The following CELSR2 variants were observed in gnomAD, a reference collection of about 807,000 sequenced individuals.
CELSR2 encodes the protein cadherin EGF LAG seven-pass G-type receptor 2.
A neutral mutation model predicts 251.6 loss-of-function variants in CELSR2; 81 were observed. The ratio of observed to expected loss-of-function variants is 0.32; its 90% CI spans 0.27 to 0.39. The LOEUF is 0.39. CELSR2 is among the 10% of genes least tolerant of loss of function. The pLI, the probability that CELSR2 is intolerant of heterozygous loss-of-function variation, is 1.00. For missense variants in CELSR2, 3,365 were observed against 3,947.7 expected, an observed-to-expected ratio of 0.85 and a Z score of 3.96; for synonymous variants, 1,721 against 1,670.5, an observed-to-expected ratio of 1.03 and a Z score of -0.74.
chr1:109,261,175 C>T lies in CELSR2; in HGVS notation c.4092C>T (p.Tyr1364=). The T allele has an allele frequency of 2.5e-6, 4 of 1,614,192 alleles. No homozygotes were observed. Among genetic ancestry groups the T allele is most frequent in the Non-Finnish European group, 3.4e-6 (4 of 1,180,040 alleles). The stretch of plus-strand genomic sequence containing the variant: ...CATCTGGAGACTTCGAGAAGCCCTA[C>T]TGCCAGGTGACCACGCGCAGCTTCC... ...DCPSGDFEKP[Y]CQVTTRSFPA... is the part of the protein sequence containing the mutation. The change falls in exon 3 of 34, where the codon TAC becomes TAT. Residue 1364 remains tyrosine (Y), a synonymous_variant. Coordinates refer to ENST00000271332, the MANE Select transcript of CELSR2 (RefSeq NM_001408.3). The surrounding 1 kb of genome is among the most constrained non-coding windows in gnomAD (Gnocchi z 4.8).
chr1:109,264,933 A>G lies in CELSR2; in HGVS notation c.5530A>G (p.Thr1844Ala). 1.9e-6 allele frequency: 3 copies of G among 1,614,076 alleles called. No homozygotes were observed. Among genetic ancestry groups the G allele is most frequent in the African/African-American group, 1.3e-5 (1 of 74,992 alleles). Residue 1844 changes from threonine (T) to alanine (A), a missense_variant, in exon 12 of 34, where the codon ACC becomes GCC. Transcript: ENST00000271332. ...LNPCEHQSVC[T>A]RKPSAPHGYT... ...CCCGTGTGAGCACCAGTCTGTGTGT[A>G]CCCGCAAGCCCAGTGCCCCCCATGG...
chr1:109,251,928 G>C lies in CELSR2; in HGVS notation c.1849G>C (p.Val617Leu), dbSNP rs955665121. Residue 617 changes from valine to leucine, a missense_variant, in exon 1 of 34, where the codon GTG (valine) becomes CTG (leucine). Around this residue, in one of 5 missense-constraint regions of CELSR2, gnomAD observed 60 missense variants for 104.8 expected, o/e 0.57. Transcript: ENST00000271332. This position sits in a 1 kb window ranked among gnomAD's most constrained non-coding sequence, Gnocchi z 4.9. ...NPTFTQPEYT[V>L]RLNEDAAVGT... Reference sequence around the variant, plus strand: ...AACCTTTACCCAACCAGAGTACACAGTGCGGCTCAATGAGGATGCAGCTGT... The same window carrying C: ...AACCTTTACCCAACCAGAGTACACACTGCGGCTCAATGAGGATGCAGCTGT... 6.2e-7 allele frequency: 1 copy of C among 1,614,044 alleles called. No homozygotes were observed. The highest frequency in any genetic ancestry group is 1.3e-5 in the African/African-American group (1 of 74,930).
intron 1 of CELSR2, among the ~76,000 whole-genome samples, chr1:109,256,622 T>C (rs649281): frequency 0.15 from 22,408 of 152,052 alleles, 2,327 homozygotes; most frequent in African/African-American, 0.29. Context: ...TTATATCTAG[T>C]TGGGCTCCCC....
Position 109,250,962 on chromosome 1 carries a change from A to G in CELSR2, c.883A>G (p.Lys295Glu), listed in dbSNP as rs1317855014. The G allele has an allele frequency of 6.2e-7, 1 of 1,613,696 alleles. No homozygotes were observed. Residue 295 changes from lysine to glutamate, a missense_variant, in exon 1 of 34, where the codon AAG becomes GAG. Physicochemically the swap from Lys to Glu is moderately conservative, Grantham distance 56. Around this residue, in one of 5 missense-constraint regions of CELSR2, gnomAD observed 704 missense variants for 784.1 expected, o/e 0.90. Transcript: ENST00000271332. The surrounding 1 kb of genome is among the most constrained non-coding windows in gnomAD (Gnocchi z 4.4). ...HDPVFEQQEY[K>E]ESLRENLEVG... is the part of the protein sequence containing the mutation. The stretch of plus-strand genomic sequence containing the variant: ...CCCTGTGTTCGAGCAGCAGGAGTAC[A>G]AGGAGAGCCTCAGGGAGAACCTGGA...
At position 109,252,116 on chromosome 1, in the gene CELSR2, G is replaced by T. The variant is rs1655710748; in HGVS notation, c.2037G>T (p.Arg679=). The stretch of plus-strand genomic sequence containing the variant: ...TGCCACTGGACTACAAACTTGAGCG[G>T]CAGTATGTGTTGGCTGTTACCGCCT... ...LALPLDYKLE[R]QYVLAVTASD... is the part of the protein sequence containing the mutation. Residue 679 remains arginine, a synonymous_variant, in exon 1 of 34, where the codon CGG becomes CGT. Transcript: ENST00000271332. This position sits in a 1 kb window ranked among gnomAD's most constrained non-coding sequence, Gnocchi z 4.8. 6.2e-7 allele frequency: 1 copy of T among 1,614,120 alleles called. No individual in the cohort carries two copies. The highest frequency in any genetic ancestry group is 8.5e-7 in the Non-Finnish European group (1 of 1,180,040).
intron 17 of CELSR2, 101 bp from the exon 18 acceptor site, chr1:109,268,469 AGGGAGGGGCCT>A: frequency 7.3e-7 from 1 of 1,365,334 alleles, no homozygotes; most frequent in Non-Finnish European, 9.7e-7. Flanking sequence ...GTGAGCACAG[AGGGAGGGGCCT>A]GGTGGGGAGC....
At position 109,252,967 on chromosome 1, in the gene CELSR2, G is replaced by A. The variant is rs372276229; in HGVS notation, c.2888G>A (p.Gly963Asp). The change falls in exon 1 of 34, where the codon GGC becomes GAC. Residue 963 changes from glycine to aspartate, a missense_variant. Transcript: ENST00000271332. This position sits in a 1 kb window ranked among gnomAD's most constrained non-coding sequence, Gnocchi z 4.8. ...CAGATTATGTACCAGATTGTGGAGG[G>A]CAACATCCCTGAGGTCTTTCAGCTG... ...NAQIMYQIVE[G>D]NIPEVFQLDI... 1.1e-4 allele frequency: 185 copies of A among 1,612,362 alleles called. No homozygotes were observed. The highest frequency in any genetic ancestry group is 2.0e-4 in the Admixed American group (12 of 59,958).
chr1:109,254,318 G>A (rs1487489751), intron 1 of CELSR2, among the ~76,000 whole-genome samples: 5 of 152,238 alleles, frequency 3.3e-5, no homozygotes, highest in Non-Finnish European at 7.3e-5. Flanking sequence ...GTCCCAGGGC[G>A]TGGGAGCCTG....
chr1:109,251,271 C>G lies in CELSR2; in HGVS notation c.1192C>G (p.Gln398Glu), dbSNP rs1271149291. The stretch of plus-strand genomic sequence containing the variant: ...GGAGGATGACAATGATAATGCCCCC[C>G]AGTTTAGTGAGAAGCGCTATGTGGT... Reference protein sequence around the residue: ...SVEDDNDNAPQFSEKRYVVQV... With the variant: ...SVEDDNDNAPEFSEKRYVVQV... Residue 398 changes from glutamine (Q) to glutamate (E), a missense_variant, in exon 1 of 34, where the codon CAG (glutamine) becomes GAG (glutamate). By Grantham distance (29) the Gln-to-Glu change is conservative. Coordinates refer to ENST00000271332, the MANE Select transcript of CELSR2 (RefSeq NM_001408.3). This position sits in a 1 kb window ranked among gnomAD's most constrained non-coding sequence, Gnocchi z 4.9. 1 of 1,614,034 alleles carries G rather than the reference C, an allele frequency of 6.2e-7. No individual in the cohort carries two copies. The highest frequency in any genetic ancestry group is 1.3e-5 in the African/African-American group (1 of 74,928).
At position 109,270,588 on chromosome 1, in the gene CELSR2, G is replaced by A. The variant is rs781017534; in HGVS notation, c.7471G>A (p.Ala2491Thr). 2.5e-6 allele frequency: 4 copies of A among 1,613,852 alleles called. No individual in the cohort carries two copies. The highest frequency in any genetic ancestry group is 3.4e-6 in the Non-Finnish European group (4 of 1,180,014). ...CTACATGCTGGGCTGGGGCGTGCCT[G>A]CCTTCATCACAGGTACTCCCACCCA... ...FYYMLGWGVP[A>T]FITGLAVGLD... The change falls in exon 24 of 34, where the codon GCC becomes ACC. Residue 2491 changes from alanine to threonine, a missense_variant. Ala to Thr is a moderately conservative substitution (Grantham distance 58). Around this residue, in one of 5 missense-constraint regions of CELSR2, gnomAD observed 2,093 missense variants for 2,382.8 expected, o/e 0.88. Coordinates refer to ENST00000271332, the MANE Select transcript of CELSR2 (RefSeq NM_001408.3).
At position 109,269,760 on chromosome 1, in the gene CELSR2, C is replaced by T. The variant is rs962362605; in HGVS notation, c.7047C>T (p.Val2349=). 2 of 1,613,884 alleles carry T rather than the reference C, an allele frequency of 1.2e-6. No homozygotes were observed. The highest frequency in any genetic ancestry group is 2.2e-5 in the East Asian group (1 of 44,846). ...TCGTCTTCCGCAATGAGAGCCACGT[C>T]AGCTGCCAGTGCAACCACATGACGA... The part of the protein sequence containing the change: ...CEVVFRNESH[V]SCQCNHMTSF... Residue 2349 remains valine (V), a synonymous_variant, in exon 22 of 34, where the codon GTC becomes GTT. Coordinates refer to ENST00000271332, the MANE Select transcript of CELSR2 (RefSeq NM_001408.3). The surrounding 1 kb of genome is among the most constrained non-coding windows in gnomAD (Gnocchi z 6.4).
Position 109,271,500 on chromosome 1 carries a change from CA to C in CELSR2, c.7793del (p.Asn2598IlefsTer37). ...LLFHYLFATC[N>X]CIQGPFIFLS... ...TCTTCCACTACCTCTTTGCTACCTGCAATTGCATCCAGGTACCTGGCCCAGC... is the reference window on the plus strand; with the variant it reads ...TCTTCCACTACCTCTTTGCTACCTGCATTGCATCCAGGTACCTGGCCCAGC... On this transcript the variant is annotated frameshift_variant, in exon 27 of 34. Transcript: ENST00000271332. LOFTEE classifies it high-confidence loss of function. 6.2e-7 allele frequency: 1 copy of C among 1,614,178 alleles called. No homozygotes were observed. The highest frequency in any genetic ancestry group is 8.5e-7 in the Non-Finnish European group (1 of 1,180,022).
At chr1:109,262,754 G>A (rs1210347295) in intron 6 of CELSR2, 52 bp from the exon 7 acceptor site, 5 of 1,592,250 alleles carry the variant, frequency 3.1e-6, no homozygotes, top group Non-Finnish European at 4.3e-6. Context: ...GCGAGCGGAG[G>A]ACCAGAAGCT....
chr1:109,271,773 AG>A, intron 28 of CELSR2, 51 bp downstream of exon 28: 10 of 1,596,338 alleles, frequency 6.3e-6, no homozygotes, highest in Non-Finnish European at 8.5e-6. Context: ...GAGAGGCAGG[AG>A]GCCCAGTGAG....
In CELSR2 at chr1:109,273,339, G is replaced by T. The variant is rs761851660; in HGVS notation, c.8509+3G>T. ...CTCTTCTGCCCAGCCTCACAAAGGT[G>T]AGTGGGGCACCCCCAGCTGCCGAGC... On this transcript the variant is annotated splice_donor_region_variant and intron_variant, in intron 32 of 33. Transcript: ENST00000271332. 2 of 1,600,438 alleles carry T rather than the reference G, an allele frequency of 1.2e-6. No homozygotes were observed. Among genetic ancestry groups the T allele is most frequent in the Non-Finnish European group, 1.7e-6 (2 of 1,173,026 alleles).
intron 11 of CELSR2, 45 bp from the exon 12 acceptor site, chr1:109,264,822 CA>C (rs755639900): frequency 3.7e-6 from 6 of 1,612,952 alleles, no homozygotes; most frequent in African/African-American, 1.3e-5. Flanking sequence ...AAGATGGTGC[CA>C]GGGGAGGGTG....
Position 109,264,488 on chromosome 1 carries a change from A to G in CELSR2, c.5324A>G (p.Asn1775Ser). ...VRVSDTPEGV[N>S]SLDPSHGESI... ...GTGAGCGATACGCCGGAGGGGGTTA[A>G]CAGCCTGGATCCCAGCCATGGGGAG... The change falls in exon 11 of 34, where the codon AAC (asparagine) becomes AGC (serine). Residue 1775 changes from asparagine to serine, a missense_variant. By Grantham distance (46) the Asn-to-Ser change is conservative. Coordinates refer to ENST00000271332, the MANE Select transcript of CELSR2 (RefSeq NM_001408.3). 6.2e-7 allele frequency: 1 copy of G among 1,613,970 alleles called. No homozygotes were observed. The highest frequency in any genetic ancestry group is 1.1e-5 in the South Asian group (1 of 91,088).
At chr1:109,258,286 G>A in intron 1 of CELSR2, 146 bp from the exon 2 acceptor site, 1 of 590,614 alleles carries the variant, frequency 1.7e-6, no homozygotes, top group Non-Finnish European at 3.0e-6. Context: ...CCTGAGCCCT[G>A]AAGGAGTGAT....
At chr1:109,253,538 C>T (rs1414970952) in intron 1 of CELSR2, 149 bp downstream of exon 1, 2 of 1,418,182 alleles carry the variant, frequency 1.4e-6, no homozygotes, top group East Asian at 5.0e-5. Flanking sequence ...CAAGAGCCAG[C>T]TTGGGAAGAA....
Sources: allele counts gnomAD v4.1 joint callset (sites outside exome capture counted in the v4.1 genomes callset), GRCh38; gene constraint gnomAD v4.1.1; regional missense constraint gnomAD v4.1.1; non-coding constraint Gnocchi (gnomAD v3.1); transcripts MANE v1.5; gene names NCBI Gene and HGNC (gene_info 2026-07-23, HGNC 2026-07-21).